The following PLB1 variants were observed in gnomAD, a reference collection of about 807,000 sequenced individuals.
The protein encoded by PLB1 is phospholipase B1.
A neutral mutation model predicts 227.4 loss-of-function variants in PLB1; 242 were observed. The ratio of observed to expected loss-of-function variants is 1.06; its 90% CI spans 0.96 to 1.18. The LOEUF is 1.18. PLB1 is among the 50% of genes most tolerant of loss of function. The pLI, the probability that PLB1 is intolerant of heterozygous loss-of-function variation, is 0.00. For missense variants in PLB1, 1,858 were observed against 1,816.3 expected, an observed-to-expected ratio of 1.02 and a Z score of -0.42; for synonymous variants, 757 against 682.2, an observed-to-expected ratio of 1.11 and a Z score of -1.71.
At chr2:28,528,696 CTG>C (rs1404758885) in intron 6 of PLB1, among the ~76,000 whole-genome samples, 3 of 152,174 alleles carry the variant, frequency 2.0e-5, no homozygotes, top group Non-Finnish European at 4.4e-5. Flanking sequence ...TCATATTGCC[CTG>C]TGTTTGTTAC....
intron 51 of PLB1, among the ~76,000 whole-genome samples, chr2:28,626,751 G>T (rs1687852204): frequency 6.6e-6 from 1 of 152,204 alleles, no homozygotes; most frequent in South Asian, 2.1e-4. Context: ...GGCCAAGGTG[G>T]ACCCACTGTA....
intron 18 of PLB1, among the ~76,000 whole-genome samples, chr2:28,564,971 T>G (rs915185866): frequency 6.6e-6 from 1 of 152,366 alleles, no homozygotes; most frequent in South Asian, 2.1e-4. Context: ...CTGAAATGTA[T>G]CCTTTTGAAA....
rs528631670 is a variant in PLB1 at position 28,507,974 on chromosome 2, T to G, written c.56-8834T>G. On this transcript the variant is annotated intron_variant, in intron 1 of 57. Transcript: ENST00000327757. ...TTGTGACATTGTTGATCCTAAATCA[T>G]TCTTTGGCCAGCATTCCTGATGGTA... Among the ~76,000 whole-genome samples, 5 of 152,344 alleles carry G rather than the reference T, an allele frequency of 3.3e-5. No homozygotes were observed. The East Asian group carries it at 7.7e-4, about 24-fold the overall frequency.
chr2:28,529,639 G>T, intron 7 of PLB1, 89 bp from the exon 8 acceptor site: 1 of 1,353,896 alleles, frequency 7.4e-7, no homozygotes, highest in South Asian at 1.2e-5. Context: ...CTTAGAGACT[G>T]ACACCTGAGC....
At chr2:28,617,298 A>G (rs1400918770) in intron 44 of PLB1, among the ~76,000 whole-genome samples, 1 of 152,212 alleles carries the variant, frequency 6.6e-6, no homozygotes, top group Admixed American at 6.5e-5. Context: ...TTCTACCATT[A>G]TAATTAGTGT....
intron 18 of PLB1, among the ~76,000 whole-genome samples, chr2:28,564,564 G>A (rs762849768): frequency 6.6e-6 from 1 of 152,214 alleles, no homozygotes; most frequent in Non-Finnish European, 1.5e-5. Context: ...CTCAGGACAA[G>A]GGGTCATCAC....
rs533383741 is a variant in PLB1 at position 28,630,734 on chromosome 2, G to A, written c.3897+70G>A. On this transcript the variant is annotated intron_variant, in intron 54 of 57. Transcript: ENST00000327757. ...CCTGTACTCCAAGGACTGGGAAATC[G>A]AATGCCCAGCAGGATGTGGCCAAGA... 67 of 1,324,196 alleles carry A rather than the reference G, an allele frequency of 5.1e-5. No individual in the cohort carries two copies. In the East Asian group the frequency reaches 1.3e-3, roughly 27 times the overall value. The allele number at this position is 1,324,196 out of a possible 1,614,324, so 82.0% of individuals were successfully genotyped here.
chr2:28,576,216 A>T (rs753119097), intron 21 of PLB1, among the ~76,000 whole-genome samples: 2 of 152,192 alleles, frequency 1.3e-5, no homozygotes, highest in Non-Finnish European at 2.9e-5. Flanking sequence ...AAGAAACTAT[A>T]GCACAAAGAG....
chr2:28,580,619 C>T (rs530207050), intron 23 of PLB1, among the ~76,000 whole-genome samples: 13 of 151,948 alleles, frequency 8.6e-5, no homozygotes, highest in African/African-American at 2.4e-4. Context: ...GAGGCTGAGG[C>T]GGAAGAATCG....
At chr2:28,534,926 G>A (rs1157026906) in intron 9 of PLB1, among the ~76,000 whole-genome samples, 1 of 152,072 alleles carries the variant, frequency 6.6e-6, no homozygotes, top group African/African-American at 2.4e-5. Flanking sequence ...TCTTATACCA[G>A]TCTTTAGGTG....
intron 15 of PLB1, 109 bp downstream of exon 15, chr2:28,549,040 T>C (rs1160225149): frequency 2.3e-6 from 2 of 886,214 alleles, no homozygotes; most frequent in African/African-American, 3.3e-5. Flanking sequence ...TGAATCCTGT[T>C]TCTGTTCTTC....
chr2:28,510,894 T>C (rs1478100585), intron 1 of PLB1, among the ~76,000 whole-genome samples: 1 of 151,906 alleles, frequency 6.6e-6, no homozygotes, highest in East Asian at 1.9e-4. Flanking sequence ...TCTCAAAGCA[T>C]TGAGATTACA....
chr2:28,550,523 C>A (rs1334126188), intron 16 of PLB1, among the ~76,000 whole-genome samples: 1 of 130,670 alleles, frequency 7.7e-6, no homozygotes, highest in Non-Finnish European at 1.7e-5. Flanking sequence ...AACCTCAATA[C>A]AATTTTTTTT....
intron 18 of PLB1, 26 bp downstream of exon 18, chr2:28,563,125 C>G: frequency 6.3e-7 from 1 of 1,597,148 alleles, no homozygotes; most frequent in East Asian, 2.2e-5. Context: ...GCAGAAGGGG[C>G]AGGAGGGGAA....
At chr2:28,566,982 A>G (rs1677050937) in intron 20 of PLB1, 143 bp downstream of exon 20, 2 of 792,648 alleles carry the variant, frequency 2.5e-6, no homozygotes, top group Non-Finnish European at 3.9e-6. Flanking sequence ...GCCTCCCGAG[A>G]CTGCCGCCCA....
Position 28,625,047 on chromosome 2 carries a change from C to A in PLB1, c.3528-10C>A. The A allele has an allele frequency of 6.2e-7, 1 of 1,613,188 alleles. No individual in the cohort carries two copies. Among genetic ancestry groups the A allele is most frequent in the Non-Finnish European group, 8.5e-7 (1 of 1,179,494 alleles). On this transcript the variant is annotated splice_polypyrimidine_tract_variant and intron_variant, in intron 49 of 57. Transcript: ENST00000327757. Reference sequence around the variant, plus strand: ...CGGCACTAACGCCCCTCTCTCTACCCCCCACCTAGGGACATGCCAGCCCAG... The same window carrying A: ...CGGCACTAACGCCCCTCTCTCTACCACCCACCTAGGGACATGCCAGCCCAG...
intron 23 of PLB1, among the ~76,000 whole-genome samples, chr2:28,581,578 C>T (rs2148270005): frequency 6.6e-6 from 1 of 151,774 alleles, no homozygotes; most frequent in South Asian, 2.1e-4. Context: ...AGGGCCACAG[C>T]CATGACAAAC....
At chr2:28,501,428 T>C (rs1667090227) in intron 1 of PLB1, among the ~76,000 whole-genome samples, 1 of 152,224 alleles carries the variant, frequency 6.6e-6, no homozygotes. Context: ...TGAATTTTTT[T>C]TTGTTCTTTC....
intron 50 of PLB1, among the ~76,000 whole-genome samples, chr2:28,625,907 CGCCCACCGCCAAA>C (rs377254801): frequency 3.3e-5 from 5 of 150,692 alleles, no homozygotes; most frequent in African/African-American, 1.2e-4. Context: ...CCCCCGCCAG[CGCCCACCGCCAAA>C]AAAAAAAAAC....
Sources: gnomAD v4.1 joint callset for allele counts (sites outside exome capture counted in the v4.1 genomes callset) on GRCh38, gnomAD v4.1.1 for gene constraint, MANE v1.5 for transcripts, NCBI Gene and HGNC (gene_info 2026-07-23, HGNC 2026-07-21) for gene names.